The following PBX3 variants were observed in gnomAD, a reference collection of about 807,000 sequenced individuals.
PBX3 encodes pre-B-cell leukemia transcription factor 3.
A neutral mutation model predicts 48.5 loss-of-function variants in PBX3; 14 were observed. The ratio of observed to expected loss-of-function variants is 0.29; its 90% CI spans 0.19 to 0.45. The LOEUF (loss-of-function observed/expected upper bound fraction) is 0.45. Ranked by LOEUF, PBX3 falls within the 20% of genes least tolerant of loss-of-function variation. The pLI is 1.00. For synonymous variants in PBX3, 210 were observed against 200.3 expected (o/e 1.05, Z -0.41); for missense variants, 386 against 546.7 (o/e 0.71, Z 2.93).
chr9:125,816,315 G>C (rs528454023), intron 2 of PBX3, among the ~76,000 whole-genome samples: 9 of 152,180 alleles, frequency 5.9e-5, no homozygotes, highest in African/African-American at 1.9e-4. Context: ...CTTCTCAATG[G>C]TATACCCTTT....
intron 2 of PBX3, among the ~76,000 whole-genome samples, chr9:125,791,801 T>C (rs565264728): frequency 4.0e-5 from 6 of 151,508 alleles, no homozygotes; most frequent in African/African-American, 1.5e-4. Flanking sequence ...CCGGGCGTGG[T>C]GGCAGGCGCC....
At position 125,794,699 on chromosome 9, in the gene PBX3, T is replaced by TG. The variant is rs141504059; in HGVS notation, c.274+46077dup. 4.2e-5 allele frequency among the ~76,000 whole-genome samples: 4 copies of TG among 94,976 alleles called. No homozygotes were observed. The South Asian group carries it at 1.6e-3, about 38-fold the overall frequency. 62.3% of individuals were successfully genotyped at this position (94,976 alleles called of 152,430 possible). On this transcript the variant is annotated intron_variant, in intron 2 of 8. Coordinates refer to ENST00000373489, the MANE Select transcript of PBX3 (RefSeq NM_006195.6). ...GAAGGGAAAGTAGGAGACTCATGGC[T>TG]GTTTTTTTTTTTTTTTAACAGTCCC...
intron 2 of PBX3, among the ~76,000 whole-genome samples, chr9:125,779,411 C>T (rs36170833): frequency 0.49 from 62,934 of 128,736 alleles, 16,688 homozygotes; most frequent in Middle Eastern, 0.58. Flanking sequence ...TGCGGCCTTC[C>T]GCAGTGTTTG....
At chr9:125,762,619 C>T (rs1192857478) in intron 2 of PBX3, among the ~76,000 whole-genome samples, 2 of 152,164 alleles carry the variant, frequency 1.3e-5, no homozygotes, top group South Asian at 2.1e-4. Context: ...ATTTAATCAG[C>T]GTCTTCTGCT....
intron 5 of PBX3, among the ~76,000 whole-genome samples, chr9:125,942,510 A>G (rs1371430071): frequency 6.6e-6 from 1 of 152,246 alleles, no homozygotes; most frequent in Admixed American, 6.5e-5. Context: ...TAAAATAAGA[A>G]GAAGCCCGTT....
chr9:125,819,116 A>G (rs1263461392), intron 2 of PBX3, among the ~76,000 whole-genome samples: 4 of 151,582 alleles, frequency 2.6e-5, no homozygotes, highest in Non-Finnish European at 5.9e-5. Flanking sequence ...GATTACAGGT[A>G]TGGGCCACTG....
At chr9:125,807,758 A>T (rs1301838085) in intron 2 of PBX3, among the ~76,000 whole-genome samples, 1 of 152,166 alleles carries the variant, frequency 6.6e-6, no homozygotes, top group African/African-American at 2.4e-5. Flanking sequence ...ATATCCTTCA[A>T]GACCAGTGCT....
At position 125,748,850 on chromosome 9, in the gene PBX3, CCGTCCCT is replaced by C. The variant is rs551283549; in HGVS notation, c.274+230_274+236del. The C allele has an allele frequency of 1.0e-3, 377 of 364,242 alleles. 3 individuals carry two copies. The highest frequency in any genetic ancestry group is 6.9e-3 in the African/African-American group (335 of 48,370). 22.6% of individuals were successfully genotyped at this position (364,242 alleles called of 1,614,324 possible). A position where few individuals can be genotyped will look rare whatever the true frequency, so the allele number is the denominator to read the frequency against. On this transcript the variant is annotated intron_variant, in intron 2 of 8. Transcript: ENST00000373489. ...TGTAGGTGCGGACCGGGCTGGATCG[CCGTCCCT>C]CGGCGGCCGCCCCTGGCTGCAGGCG...
chr9:125,830,653 A>C (rs1838933530), intron 2 of PBX3, among the ~76,000 whole-genome samples: 1 of 152,172 alleles, frequency 6.6e-6, no homozygotes, highest in South Asian at 2.1e-4. Context: ...ACAGTGGTTA[A>C]CATTTACTGG....
chr9:125,799,510 C>A (rs1837878383), intron 2 of PBX3, among the ~76,000 whole-genome samples: 1 of 152,124 alleles, frequency 6.6e-6, no homozygotes, highest in Admixed American at 6.5e-5. Context: ...TGTCTCAAAA[C>A]AAACAGACAA....
chr9:125,762,807 G>A (rs1401089433), intron 2 of PBX3, among the ~76,000 whole-genome samples: 1 of 152,108 alleles, frequency 6.6e-6, no homozygotes, highest in African/African-American at 2.4e-5. Flanking sequence ...AGAATGATTC[G>A]ATCTAAAGCG....
intron 3 of PBX3, among the ~76,000 whole-genome samples, chr9:125,919,887 G>C (rs1234603255): frequency 6.6e-6 from 1 of 152,208 alleles, no homozygotes; most frequent in Non-Finnish European, 1.5e-5. Flanking sequence ...GCAAGGCTCA[G>C]TTTTATGTGT....
intron 2 of PBX3, among the ~76,000 whole-genome samples, chr9:125,832,053 C>G (rs1440645903): frequency 1.3e-5 from 2 of 152,056 alleles, no homozygotes; most frequent in Admixed American, 6.5e-5. Context: ...AATTCTAACT[C>G]AAATGTAAGA....
chr9:125,843,776 A>T (rs1226788235), intron 2 of PBX3: 2 of 455,856 alleles, frequency 4.4e-6, no homozygotes, highest in Non-Finnish European at 8.8e-6. Flanking sequence ...GAGCCAGAAC[A>T]TGAAATGATG....
intron 2 of PBX3, among the ~76,000 whole-genome samples, chr9:125,774,050 A>G (rs558122064): frequency 6.6e-6 from 1 of 152,278 alleles, no homozygotes; most frequent in South Asian, 2.1e-4. Context: ...ATTTATAAAG[A>G]AGAGATGTTT....
chr9:125,854,682 A>G (rs1284713286), intron 2 of PBX3, among the ~76,000 whole-genome samples: 3 of 152,154 alleles, frequency 2.0e-5, no homozygotes, highest in Non-Finnish European at 4.4e-5. Flanking sequence ...CTAAAATGTC[A>G]TTGCTTTCTT....
intron 2 of PBX3, among the ~76,000 whole-genome samples, chr9:125,868,902 A>G (rs140991667): frequency 6.6e-6 from 1 of 152,310 alleles, no homozygotes; most frequent in African/African-American, 2.4e-5. Flanking sequence ...AAATTCACAC[A>G]GATGAATTTT....
At chr9:125,797,441 CTG>C (rs1441255985) in intron 2 of PBX3, 3 of 152,168 alleles carry the variant, frequency 2.0e-5, no homozygotes, top group Non-Finnish European at 4.4e-5. Flanking sequence ...GATTTGGTCT[CTG>C]AGTTACTTTA....
chr9:125,865,622 A>G (rs1161096766), intron 2 of PBX3, among the ~76,000 whole-genome samples: 1 of 152,208 alleles, frequency 6.6e-6, no homozygotes, highest in Admixed American at 6.5e-5. Context: ...AATTTCAGTA[A>G]TAAGGAAGAA....
Sources: allele counts gnomAD v4.1 joint callset (sites outside exome capture counted in the v4.1 genomes callset), GRCh38; gene constraint gnomAD v4.1.1; transcripts MANE v1.5; gene names NCBI Gene and HGNC (gene_info 2026-07-23, HGNC 2026-07-21).